The following ARMC2 variants were observed in gnomAD, a reference collection of about 807,000 sequenced individuals.
ARMC2 encodes armadillo repeat-containing protein 2.
ARMC2 carries 67 observed loss-of-function variants against 90.3 expected under a neutral mutation model. That is an observed-to-expected ratio of 0.74 (90% CI 0.61 to 0.91). ARMC2 has a LOEUF of 0.91. ARMC2 is among the 40% of genes least tolerant of loss of function. ARMC2 has a pLI of 0.00. For missense variants in ARMC2, 920 were observed against 1,030.9 expected, an observed-to-expected ratio of 0.89 and a Z score of 1.47; for synonymous variants, 393 against 393.0, an observed-to-expected ratio of 1.00 and a Z score of 0.00.
rs201085911 is a variant in ARMC2, at chr6:108,928,814, C to T, written c.1496+581C>T. ...AATTATGCATTTCTGTTTCCTCCCGCGCTGCTCTTTGTCAGTATTTTTACA... is the reference window on the plus strand; with the variant it reads ...AATTATGCATTTCTGTTTCCTCCCGTGCTGCTCTTTGTCAGTATTTTTACA... On this transcript the variant is annotated intron_variant, in intron 11 of 17. Transcript: ENST00000392644. 2.2e-4 allele frequency among the ~76,000 whole-genome samples: 33 copies of T among 152,192 alleles called. 1 individual carries two copies. Among genetic ancestry groups the T allele is most frequent in the African/African-American group, 5.5e-4 (23 of 41,528 alleles).
intron 12 of ARMC2, among the ~76,000 whole-genome samples, chr6:108,944,524 C>T (rs1342713510): frequency 2.0e-5 from 3 of 152,178 alleles, no homozygotes; most frequent in Admixed American, 6.5e-5. Flanking sequence ...GCCGCCTGTC[C>T]AAGGGAGGGT....
chr6:108,999,132 G>T, the ARMC2 span: 6 of 162,312 alleles, frequency 3.7e-5, no homozygotes, highest in Non-Finnish European at 6.7e-5. Context: ...AGAAGCTGCT[G>T]TGTGAAACGC....
At chr6:108,948,643 T>C (rs1207431447) in intron 12 of ARMC2, among the ~76,000 whole-genome samples, 1 of 151,338 alleles carries the variant, frequency 6.6e-6, no homozygotes, top group Non-Finnish European at 1.5e-5. Context: ...AGCAGTATTA[T>C]AACAGTGTTA....
the ARMC2 span, among the ~76,000 whole-genome samples, chr6:108,995,557 T>A: frequency 6.6e-6 from 1 of 152,230 alleles, no homozygotes; most frequent in East Asian, 1.9e-4. Context: ...TATACCCTGC[T>A]GCATTCTTGC....
the ARMC2 span, among the ~76,000 whole-genome samples, chr6:109,007,048 G>A: frequency 6.6e-6 from 1 of 152,162 alleles, no homozygotes; most frequent in African/African-American, 2.4e-5. Flanking sequence ...GGTGTGGCTG[G>A]AAGATTAACA....
chr6:108,948,083 T>C (rs549837840), intron 12 of ARMC2, among the ~76,000 whole-genome samples: 3 of 152,340 alleles, frequency 2.0e-5, no homozygotes, highest in Non-Finnish European at 4.4e-5. Flanking sequence ...ATTTTGGCCT[T>C]GGTTTAATTT....
the ARMC2 span, among the ~76,000 whole-genome samples, chr6:109,009,139 G>A: frequency 3.3e-5 from 5 of 152,162 alleles, no homozygotes; most frequent in African/African-American, 7.2e-5. Context: ...CTCACGGTGC[G>A]CAGGTCTCCC....
intron 1 of ARMC2, among the ~76,000 whole-genome samples, chr6:108,853,040 G>A (rs1645135848): frequency 6.6e-6 from 1 of 152,106 alleles, no homozygotes; most frequent in South Asian, 2.1e-4. Flanking sequence ...ATTTTTGATA[G>A]TTATATTAAT....
At chr6:108,961,780 T>C in intron 14 of ARMC2, 86 bp downstream of exon 14, 4 of 1,405,224 alleles carry the variant, frequency 2.8e-6, no homozygotes, top group Non-Finnish European at 3.8e-6. Flanking sequence ...GAGACATTAC[T>C]ATCTTCTGCC....
At chr6:108,906,062 G>A (rs1772659426) in intron 8 of ARMC2, among the ~76,000 whole-genome samples, 1 of 152,126 alleles carries the variant, frequency 6.6e-6, no homozygotes, top group African/African-American at 2.4e-5. Context: ...GGACTAAGAA[G>A]TTTTTTACAA....
downstream of ARMC2, among the ~76,000 whole-genome samples, chr6:108,975,989 G>T (rs1301574111): frequency 1.3e-5 from 2 of 152,170 alleles, no homozygotes; most frequent in Admixed American, 6.6e-5. Context: ...TTGCTGTGCA[G>T]AAGCTCTTTA....
intron 13 of ARMC2, among the ~76,000 whole-genome samples, chr6:108,956,557 T>A (rs1583210824): frequency 6.9e-6 from 1 of 144,928 alleles, no homozygotes; most frequent in Non-Finnish European, 1.5e-5. Flanking sequence ...AAAAATTAGC[T>A]GAGTGTGGTG....
intron 3 of ARMC2, among the ~76,000 whole-genome samples, chr6:108,867,375 A>G (rs561135228): frequency 6.6e-6 from 1 of 152,182 alleles, no homozygotes; most frequent in Non-Finnish European, 1.5e-5. Context: ...GAATTTTGTT[A>G]GTAATGTTCC....
intron 7 of ARMC2, among the ~76,000 whole-genome samples, chr6:108,900,756 A>G (rs576936495): frequency 6.6e-6 from 1 of 152,230 alleles, no homozygotes; most frequent in Non-Finnish European, 1.5e-5. Context: ...CGCCAAGCGT[A>G]TGGCCATGAG....
At chr6:109,027,175 CAATAA>C in the ARMC2 span, among the ~76,000 whole-genome samples, 2 of 151,286 alleles carry the variant, frequency 1.3e-5, no homozygotes. Flanking sequence ...GTCTAAAAAA[CAATAA>C]AATACATCTT....
intron 12 of ARMC2, among the ~76,000 whole-genome samples, chr6:108,948,240 A>T (rs999070335): frequency 1.3e-5 from 2 of 152,110 alleles, no homozygotes; most frequent in Non-Finnish European, 2.9e-5. Context: ...TTGGGAGCAG[A>T]GGCCACCCAT....
At chr6:109,007,277 C>T in the ARMC2 span, among the ~76,000 whole-genome samples, 3 of 152,260 alleles carry the variant, frequency 2.0e-5, no homozygotes, top group South Asian at 4.1e-4. Flanking sequence ...CTGAAAAGTA[C>T]TGTTCCAGTC....
chr6:108,954,793 A>G (rs956020805), intron 13 of ARMC2, among the ~76,000 whole-genome samples: 7 of 152,250 alleles, frequency 4.6e-5, no homozygotes, highest in Admixed American at 3.9e-4. Context: ...CTTTCTGGGT[A>G]ACCAGTTCTG....
chr6:108,975,949 G>A (rs1778976080), downstream of ARMC2, among the ~76,000 whole-genome samples: 1 of 152,104 alleles, frequency 6.6e-6, no homozygotes, highest in Admixed American at 6.5e-5. Flanking sequence ...TATTCTGTAG[G>A]TTGCCTGTTC....
Sources: allele counts gnomAD v4.1 joint callset (sites outside exome capture counted in the v4.1 genomes callset), GRCh38; gene constraint gnomAD v4.1.1; transcripts MANE v1.5; gene names NCBI Gene and HGNC (gene_info 2026-07-23, HGNC 2026-07-21).